Variants in MAPK4 observed in about 807,000 individuals in gnomAD.
The protein encoded by MAPK4 is mitogen-activated protein kinase 4, also known as Erk3-related.
In MAPK4, 22 loss-of-function variants were observed where a neutral mutation model predicts 47.7. That is an observed-to-expected ratio of 0.46 (90% CI 0.33 to 0.66). The LOEUF is 0.66. MAPK4 is among the 30% of genes least tolerant of loss of function. MAPK4 has a pLI of 0.02. For synonymous variants in MAPK4, 390 were observed against 365.7 expected, an observed-to-expected ratio of 1.07 and a Z score of -0.76; for missense variants, 736 against 831.7, an observed-to-expected ratio of 0.88 and a Z score of 1.42.
chr18:50,660,334 A>G (rs1049951469), intron 1 of MAPK4, among the ~76,000 whole-genome samples: 1 of 152,236 alleles, frequency 6.6e-6, no homozygotes, highest in Non-Finnish European at 1.5e-5. Context: ...ATTGAAGTTC[A>G]GAAATATTAG....
At chr18:50,668,023 TTTAA>T (rs1388975960) in intron 2 of MAPK4, among the ~76,000 whole-genome samples, 2 of 152,276 alleles carry the variant, frequency 1.3e-5, no homozygotes, top group African/African-American at 2.4e-5. Flanking sequence ...CCTCTTTGAG[TTTAA>T]TTAATTTGCT....
intron 1 of MAPK4, among the ~76,000 whole-genome samples, chr18:50,562,800 T>C (rs2042165568): frequency 6.6e-6 from 1 of 152,230 alleles, no homozygotes; most frequent in South Asian, 2.1e-4. Flanking sequence ...CTCTGGTTCA[T>C]GAGATAAACA....
At chr18:50,653,218 G>A (rs1004189139) in intron 1 of MAPK4, among the ~76,000 whole-genome samples, 9 of 151,874 alleles carry the variant, frequency 5.9e-5, no homozygotes, top group African/African-American at 9.7e-5. Flanking sequence ...AGAACCAGGC[G>A]AAGAGAAGGT....
At chr18:50,710,266 T>C (rs962011584) in intron 2 of MAPK4, among the ~76,000 whole-genome samples, 1 of 152,060 alleles carries the variant, frequency 6.6e-6, no homozygotes, top group African/African-American at 2.4e-5. Flanking sequence ...GAGGATTGCT[T>C]GAGCTCAGGA....
At chr18:50,706,705 G>A (rs1477151687) in intron 2 of MAPK4, among the ~76,000 whole-genome samples, 3 of 152,250 alleles carry the variant, frequency 2.0e-5, no homozygotes, top group African/African-American at 4.8e-5. Context: ...AGCACCCCAG[G>A]ATGCTAATGC....
At position 50,688,312 on chromosome 18, in the gene MAPK4, C is replaced by T. The variant is rs1396528750; in HGVS notation, c.546+23808C>T. 5.3e-5 allele frequency among the ~76,000 whole-genome samples: 8 copies of T among 152,290 alleles called. No homozygotes were observed. In the East Asian group the frequency reaches 1.5e-3, roughly 29 times the overall value. On this transcript the variant is annotated intron_variant, in intron 2 of 5. Transcript: ENST00000400384. ...TGCAGATGAGTGTTCCAGGCACAGA[C>T]GGCCCCAAAAGCTGCTTTAGACTGG...
chr18:50,684,551 A>C (rs1908761964), intron 2 of MAPK4, among the ~76,000 whole-genome samples: 1 of 151,834 alleles, frequency 6.6e-6, no homozygotes, highest in South Asian at 2.1e-4. Context: ...GACTCAAAAA[A>C]AAAAAAAAGC....
intron 1 of MAPK4, among the ~76,000 whole-genome samples, chr18:50,590,758 G>A (rs142198810): frequency 2.3e-4 from 35 of 152,262 alleles, no homozygotes; most frequent in Middle Eastern, 3.4e-3. Flanking sequence ...ATTCTGCTTC[G>A]CCAGGGACAG....
intron 2 of MAPK4, among the ~76,000 whole-genome samples, chr18:50,667,961 G>A (rs755946460): frequency 2.6e-5 from 4 of 152,098 alleles, no homozygotes; most frequent in African/African-American, 7.2e-5. Context: ...TAATAAGTCC[G>A]TGCCTCCGGA....
In MAPK4 at chr18:50,614,209, CTTAA is replaced by C. The variant is rs752806524; in HGVS notation, c.-870-48874_-870-48871del. On this transcript the variant is annotated intron_variant, in intron 1 of 5. Coordinates refer to ENST00000400384, the MANE Select transcript of MAPK4 (RefSeq NM_002747.4). The stretch of plus-strand genomic sequence containing the variant: ...TTCTTGCCTTCATTTCAGAATAATC[CTTAA>C]TTAATGTTGCTTTATATAACTAGTG... Among the ~76,000 whole-genome samples, 104 of 151,946 alleles carry C rather than the reference CTTAA, an allele frequency of 6.8e-4. 2 individuals are homozygous for C. Among genetic ancestry groups the C allele is most frequent in the Admixed American group, 1.2e-3 (18 of 15,268 alleles).
At chr18:50,632,106 G>C (rs577897151) in intron 1 of MAPK4, among the ~76,000 whole-genome samples, 1 of 152,026 alleles carries the variant, frequency 6.6e-6, no homozygotes, top group Non-Finnish European at 1.5e-5. Flanking sequence ...CTTCCAAATG[G>C]GGCCCCAGAG....
chr18:50,597,918 A>G (rs1292926328), intron 1 of MAPK4, among the ~76,000 whole-genome samples: 3 of 152,240 alleles, frequency 2.0e-5, no homozygotes, highest in African/African-American at 4.8e-5. Flanking sequence ...GCACAGCATT[A>G]GGAAGGATCA....
chr18:50,656,292 G>A (rs373991717), intron 1 of MAPK4, among the ~76,000 whole-genome samples: 4 of 152,178 alleles, frequency 2.6e-5, no homozygotes, highest in African/African-American at 9.7e-5. Flanking sequence ...AGGTGTCCTG[G>A]GATGTCCATC....
chr18:50,719,597 C>T (rs538839739), intron 3 of MAPK4, among the ~76,000 whole-genome samples: 6 of 152,260 alleles, frequency 3.9e-5, no homozygotes, highest in East Asian at 1.9e-4. Context: ...CCTGCCCCCA[C>T]GATCTGGGTC....
At chr18:50,697,296 G>A (rs1436851267) in intron 2 of MAPK4, among the ~76,000 whole-genome samples, 1 of 152,190 alleles carries the variant, frequency 6.6e-6, no homozygotes, top group Non-Finnish European at 1.5e-5. Flanking sequence ...AATAAGAACA[G>A]CAAACCTACC....
At position 50,714,195 on chromosome 18, in the gene MAPK4, T is replaced by A. The variant is rs542650903; in HGVS notation, c.547-884T>A. ...CTAACTGTCTCACCTTGACCCCCAA[T>A]GGATCTATACATTTTTTTTCTTACA... On this transcript the variant is annotated intron_variant, in intron 2 of 5. Coordinates refer to ENST00000400384, the MANE Select transcript of MAPK4 (RefSeq NM_002747.4). 3.3e-5 allele frequency among the ~76,000 whole-genome samples: 5 copies of A among 152,300 alleles called. No individual in the cohort carries two copies. The South Asian group carries it at 1.0e-3, about 32-fold the overall frequency.
chr18:50,604,647 C>G (rs774734503), intron 1 of MAPK4, among the ~76,000 whole-genome samples: 3 of 152,218 alleles, frequency 2.0e-5, no homozygotes, highest in Non-Finnish European at 4.4e-5. Context: ...TGTTTAACTT[C>G]TACTTTTTGT....
intron 2 of MAPK4, among the ~76,000 whole-genome samples, chr18:50,688,753 GT>G (rs1437370770): frequency 1.3e-5 from 2 of 152,022 alleles, no homozygotes; most frequent in Admixed American, 1.3e-4. Flanking sequence ...TGGGAGGGGG[GT>G]GAGGGATAAA....
intron 1 of MAPK4, among the ~76,000 whole-genome samples, chr18:50,641,030 T>A (rs900936344): frequency 1.3e-5 from 2 of 152,206 alleles, no homozygotes; most frequent in Admixed American, 1.3e-4. Context: ...TATTTGTCAA[T>A]GTCAGAAGAT....
Sources: gnomAD v4.1 joint callset for allele counts (sites outside exome capture counted in the v4.1 genomes callset) on GRCh38, gnomAD v4.1.1 for gene constraint, MANE v1.5 for transcripts, NCBI Gene and HGNC (gene_info 2026-07-23, HGNC 2026-07-21) for gene names.